Variants in MIA2 observed in about 807,000 individuals in gnomAD.
MIA2 encodes MIA SH3 domain ER export factor 2.
In MIA2, 127 loss-of-function variants were observed where a neutral mutation model predicts 167.8. That is an observed-to-expected ratio of 0.76 (90% CI 0.66 to 0.88). The LOEUF is 0.88. Among genes scored for constraint, MIA2 ranks in the 40% least tolerant of loss-of-function variants. The pLI, the probability that MIA2 is intolerant of heterozygous loss-of-function variation, is 0.00. For synonymous variants in MIA2, 552 were observed against 541.9 expected (o/e 1.02, Z -0.26); for missense variants, 1,690 against 1,624.7 (o/e 1.04, Z -0.69).
At chr14:39,356,340 T>A (rs2074524758), downstream of MIA2, among the ~76,000 whole-genome samples, 1 of 152,224 alleles carries the variant, frequency 6.6e-6, no homozygotes, top group Non-Finnish European at 1.5e-5. Flanking sequence ...TTTATTTGCA[T>A]AGAGGTGTTT....
At chr14:39,339,881 T>A (rs776255354) in intron 25 of MIA2, among the ~76,000 whole-genome samples, 2 of 152,226 alleles carry the variant, frequency 1.3e-5, no homozygotes, top group African/African-American at 2.4e-5. Flanking sequence ...AATCTCACTC[T>A]GTCATCCAGG....
At chr14:39,325,153 G>A (rs1338676256) in intron 24 of MIA2, among the ~76,000 whole-genome samples, 3 of 151,946 alleles carry the variant, frequency 2.0e-5, no homozygotes, top group Non-Finnish European at 2.9e-5. Flanking sequence ...AGCCTAGGAG[G>A]CGGAGGTTGC....
At chr14:39,250,166 A>G (rs551229491) in intron 4 of MIA2, among the ~76,000 whole-genome samples, 1 of 152,342 alleles carries the variant, frequency 6.6e-6, no homozygotes, top group Admixed American at 6.5e-5. Context: ...AAACAATATT[A>G]GATCCAGAAA....
chr14:39,365,353 C>G (rs945144053), intron 23 of MIA2, among the ~76,000 whole-genome samples: 1 of 152,224 alleles, frequency 6.6e-6, no homozygotes, highest in Non-Finnish European at 1.5e-5. Flanking sequence ...AGCCACTGCA[C>G]CCGGCCATTA....
intron 23 of MIA2, chr14:39,385,553 T>G (rs2075259141): frequency 1.2e-6 from 1 of 822,520 alleles, no homozygotes; most frequent in Admixed American, 1.7e-5. Flanking sequence ...AAATCAAATT[T>G]CCCAGGTTCT....
intron 6 of MIA2, among the ~76,000 whole-genome samples, chr14:39,272,284 G>A (rs1176573175): frequency 2.0e-5 from 3 of 152,154 alleles, no homozygotes; most frequent in African/African-American, 4.8e-5. Flanking sequence ...CCCGGGAGGC[G>A]GAGGTTGCCG....
intron 9 of MIA2, among the ~76,000 whole-genome samples, chr14:39,289,453 T>G (rs1412249324): frequency 6.6e-6 from 1 of 152,134 alleles, no homozygotes; most frequent in Non-Finnish European, 1.5e-5. Flanking sequence ...GACCTCATGA[T>G]CCCTGTGATC....
At chr14:39,276,256 T>TCTG (rs1485342260) in intron 6 of MIA2, 3 of 152,192 alleles carry the variant, frequency 2.0e-5, no homozygotes, top group African/African-American at 7.2e-5. Context: ...GTGCTGAAGG[T>TCTG]CTGCTGTGGG....
At chr14:39,309,287 C>T (rs1003377171) in intron 18 of MIA2, among the ~76,000 whole-genome samples, 3 of 152,186 alleles carry the variant, frequency 2.0e-5, no homozygotes, top group Non-Finnish European at 4.4e-5. Context: ...TGGTCACTCT[C>T]GTGCTCAAAA....
intron 3 of MIA2, among the ~76,000 whole-genome samples, chr14:39,246,677 C>T (rs1174415845): frequency 2.6e-5 from 4 of 152,068 alleles, no homozygotes; most frequent in Admixed American, 6.6e-5. Flanking sequence ...AGAGCAAGAC[C>T]CTGTCTCTAA....
chr14:39,289,297 T>G (rs1362441189), intron 9 of MIA2, among the ~76,000 whole-genome samples: 8 of 152,038 alleles, frequency 5.3e-5, no homozygotes, highest in African/African-American at 1.4e-4. Flanking sequence ...TCACTGCAAC[T>G]TCCGCCTCAT....
Position 39,377,953 on chromosome 14 carries a change from TCTTTA to T in MIA2, c.2249-8928_2249-8924del, listed in dbSNP as rs1483560547. On this transcript the variant is annotated intron_variant, in intron 23 of 23. Transcript: ENST00000341502. ...TCCTGGGCCTGTCACCAAGTGACAT[TCTTTA>T]CTTACCACAGATCAGGACCCTGTAA... Among the ~76,000 whole-genome samples the T allele has an allele frequency of 4.6e-5, 7 of 152,320 alleles. No individual in the cohort carries two copies. In the South Asian group the frequency reaches 8.3e-4, roughly 18 times the overall value.
At chr14:39,277,790 A>T (rs2058384538) in intron 7 of MIA2, among the ~76,000 whole-genome samples, 1 of 110,110 alleles carries the variant, frequency 9.1e-6, no homozygotes, top group Non-Finnish European at 1.9e-5. Flanking sequence ...ATTTATATTT[A>T]AAGAGATGGG....
At chr14:39,312,287 G>A (rs774148663) in intron 18 of MIA2, among the ~76,000 whole-genome samples, 28 of 150,524 alleles carry the variant, frequency 1.9e-4, no homozygotes, top group Non-Finnish European at 2.8e-4. Flanking sequence ...TACACAGTCT[G>A]TAAAAACACA....
intron 18 of MIA2, 68 bp from the exon 19 acceptor site, chr14:39,313,272 A>C: frequency 1.3e-6 from 1 of 783,306 alleles, no homozygotes; most frequent in East Asian, 3.0e-5. Flanking sequence ...TTTTTTCACA[A>C]TTAAAAATAT....
At chr14:39,322,979 C>T (rs2066747378) in intron 24 of MIA2, among the ~76,000 whole-genome samples, 2 of 151,970 alleles carry the variant, frequency 1.3e-5, no homozygotes, top group African/African-American at 2.4e-5. Flanking sequence ...AAATTAAATC[C>T]AACAAATCAA....
intron 3 of MIA2, among the ~76,000 whole-genome samples, chr14:39,246,409 C>G (rs1473863677): frequency 6.6e-6 from 1 of 152,110 alleles, no homozygotes; most frequent in Non-Finnish European, 1.5e-5. Context: ...AAAATTCCAA[C>G]TATTTAATAA....
chr14:39,259,706 T>G (rs1223408250), intron 6 of MIA2, among the ~76,000 whole-genome samples: 2 of 150,566 alleles, frequency 1.3e-5, no homozygotes, highest in African/African-American at 2.4e-5. Context: ...AGGTTTTTTT[T>G]TTTTTTTTTT....
chr14:39,289,339 C>T (rs975263287), intron 9 of MIA2, among the ~76,000 whole-genome samples: 3 of 151,900 alleles, frequency 2.0e-5, no homozygotes, highest in Admixed American at 1.3e-4. Flanking sequence ...CTCAGCCTCT[C>T]GAATAGCTGG....
Sources: allele counts gnomAD v4.1 joint callset (sites outside exome capture counted in the v4.1 genomes callset), GRCh38; gene constraint gnomAD v4.1.1; transcripts MANE v1.5; gene names NCBI Gene and HGNC (gene_info 2026-07-23, HGNC 2026-07-21).